CC2D2A: variants seen among roughly 807,000 people sequenced by gnomAD.
CC2D2A encodes the protein coiled-coil and C2 domain containing 2A.
In CC2D2A, 155 loss-of-function variants were observed where a neutral mutation model predicts 212.9. The observed-to-expected ratio is 0.73, with a 90% CI of 0.64 to 0.83. CC2D2A has a LOEUF of 0.83. CC2D2A is among the 40% of genes least tolerant of loss of function. CC2D2A has a pLI of 0.00. For missense variants in CC2D2A, 1,856 were observed against 1,956.2 expected (o/e 0.95, Z 0.97); for synonymous variants, 667 against 686.5 (o/e 0.97, Z 0.44).
intron 16 of CC2D2A, 120 bp from the exon 17 acceptor site, chr4:15,540,717 G>T: frequency 1.1e-6 from 1 of 884,508 alleles, no homozygotes. Context: ...AATGAGGGCT[G>T]ACATGATTGG....
chr4:15,483,089 G>A (rs963323448), intron 4 of CC2D2A, among the ~76,000 whole-genome samples: 9 of 152,228 alleles, frequency 5.9e-5, no homozygotes, highest in Non-Finnish European at 1.2e-4. Flanking sequence ...TGGAGCATAT[G>A]GTGGATAAGG....
chr4:15,542,656 G>C (rs1718518787), intron 17 of CC2D2A, among the ~76,000 whole-genome samples: 2 of 152,070 alleles, frequency 1.3e-5, no homozygotes, highest in African/African-American at 2.4e-5. Context: ...CTGATAAATA[G>C]CTGCTGCCCT....
Position 15,538,022 on chromosome 4 carries a change from A to G in CC2D2A, c.1888A>G (p.Ile630Val), listed in dbSNP as rs541499456. ...SPPEPTDRAV[I>V]EQEVRERAAQ... Reference sequence around the variant, plus strand: ...TCCAGAGCCCACTGATCGGGCAGTGATAGAGCAGGAGGTGAGGGAGAGAGC... The same window carrying G: ...TCCAGAGCCCACTGATCGGGCAGTGGTAGAGCAGGAGGTGAGGGAGAGAGC... Residue 630 changes from isoleucine to valine, a missense_variant, in exon 16 of 37, where the codon ATA becomes GTA. Ile to Val is a conservative substitution (Grantham distance 29, BLOSUM62 3). Transcript: ENST00000424120. The G allele has an allele frequency of 6.2e-7, 1 of 1,608,838 alleles. No individual in the cohort carries two copies. Among genetic ancestry groups the G allele is most frequent in the South Asian group, 1.1e-5 (1 of 89,622 alleles).
intron 18 of CC2D2A, among the ~76,000 whole-genome samples, chr4:15,552,749 G>A (rs918582180): frequency 6.6e-6 from 1 of 152,198 alleles, no homozygotes; most frequent in Non-Finnish European, 1.5e-5. Context: ...GCCTGCAATA[G>A]TGCCTGGCAT....
At chr4:15,542,784 T>C (rs1718526962) in intron 17 of CC2D2A, among the ~76,000 whole-genome samples, 1 of 152,176 alleles carries the variant, frequency 6.6e-6, no homozygotes, top group Non-Finnish European at 1.5e-5. Context: ...CAGGGTCCTG[T>C]TCCCAAGCTG....
intron 8 of CC2D2A, among the ~76,000 whole-genome samples, chr4:15,512,372 C>T (rs572679331): frequency 6.6e-6 from 1 of 152,114 alleles, no homozygotes; most frequent in Non-Finnish European, 1.5e-5. Flanking sequence ...TATACAACCG[C>T]AGAAAGCATG....
intron 13 of CC2D2A, among the ~76,000 whole-genome samples, chr4:15,530,963 T>G (rs1717818967): frequency 2.0e-5 from 3 of 152,322 alleles, no homozygotes; most frequent in African/African-American, 7.2e-5. Flanking sequence ...GAAGAAAACA[T>G]GAATGGTCAT....
rs1307653491 is a variant in CC2D2A, at chr4:15,601,131, A to G, written c.4675-106A>G. 11 of 820,548 alleles carry G rather than the reference A, an allele frequency of 1.3e-5. No individual in the cohort carries two copies. In the African/African-American group the frequency reaches 2.1e-4, roughly 16 times the overall value. 50.8% of individuals were successfully genotyped at this position (820,548 alleles called of 1,614,324 possible). ...AAGCTGAGTAGAAAAACACAAGCAA[A>G]TAACTGAGATCCAGAACACTTATCT... is the stretch of plus-strand genomic sequence containing the variant. On this transcript the variant is annotated intron_variant, in intron 36 of 36. Coordinates refer to ENST00000424120, the MANE Select transcript of CC2D2A (RefSeq NM_001378615.1).
chr4:15,485,466 C>T (rs1577316206), intron 4 of CC2D2A, among the ~76,000 whole-genome samples: 1 of 152,314 alleles, frequency 6.6e-6, no homozygotes, highest in African/African-American at 2.4e-5. Flanking sequence ...CTTTGATATA[C>T]TGCTTTCCTT....
intron 11 of CC2D2A, among the ~76,000 whole-genome samples, chr4:15,517,812 T>C (rs1022405804): frequency 1.3e-5 from 2 of 152,198 alleles, no homozygotes; most frequent in African/African-American, 4.8e-5. Flanking sequence ...CAGTTCTACA[T>C]GGCTGGGAAG....
Position 15,554,924 on chromosome 4 carries a change from G to A in CC2D2A, c.2487-148G>A, listed in dbSNP as rs928736656. The A allele has an allele frequency of 5.1e-6, 4 of 787,500 alleles. No individual in the cohort carries two copies. The Admixed American group carries it at 1.1e-4, about 22-fold the overall frequency. 48.8% of individuals were successfully genotyped at this position (787,500 alleles called of 1,614,324 possible). A position where few individuals can be genotyped will look rare whatever the true frequency, so the allele number is the denominator to read the frequency against. Reference sequence around the variant, plus strand: ...TGTTTAATAGCCATCATCATGTAAAGAAAAATGACAAAATCCTTCCTTATG... The same window carrying A: ...TGTTTAATAGCCATCATCATGTAAAAAAAAATGACAAAATCCTTCCTTATG... On this transcript the variant is annotated intron_variant, in intron 19 of 36. Transcript: ENST00000424120.
chr4:15,595,529 T>G (rs1427478034), intron 33 of CC2D2A, among the ~76,000 whole-genome samples: 1 of 152,240 alleles, frequency 6.6e-6, no homozygotes, highest in Non-Finnish European at 1.5e-5. Flanking sequence ...ATACTATTTA[T>G]TATCCCACTG....
chr4:15,498,101 T>C (rs1343250990), intron 4 of CC2D2A, among the ~76,000 whole-genome samples: 1 of 152,104 alleles, frequency 6.6e-6, no homozygotes, highest in Non-Finnish European at 1.5e-5. Flanking sequence ...GTATGGGTGA[T>C]AGGAAAGAGG....
chr4:15,529,624 G>A (rs1260735208), intron 13 of CC2D2A, among the ~76,000 whole-genome samples: 1 of 151,964 alleles, frequency 6.6e-6, no homozygotes, highest in East Asian at 1.9e-4. Context: ...TGCTTTAAAG[G>A]CTGGAATTAT....
intron 5 of CC2D2A, 146 bp downstream of exon 5, chr4:15,502,663 C>T: frequency 1.0e-6 from 1 of 999,968 alleles, no homozygotes; most frequent in South Asian, 1.6e-5. Flanking sequence ...TCTTATTTTG[C>T]ATTGGCACAG....
rs1560182443 is a variant in CC2D2A, at chr4:15,559,212, A to G, written c.2877A>G (p.Glu959=). ...ACAGAAATGTAATAGAAACCAAGGA[A>G]CACATAGACACCCATAGGGCCATAG... ...LRDRNVIETK[E]HIDTHRAIVA... Residue 959 remains glutamate, a synonymous_variant, in exon 22 of 37, where the codon GAA becomes GAG. Coordinates refer to ENST00000424120, the MANE Select transcript of CC2D2A (RefSeq NM_001378615.1). 2.6e-6 allele frequency: 4 copies of G among 1,553,724 alleles called. No individual in the cohort carries two copies. The highest frequency in any genetic ancestry group is 3.5e-6 in the Non-Finnish European group (4 of 1,148,490).
At chr4:15,534,650 T>A (rs1577355556) in intron 14 of CC2D2A, among the ~76,000 whole-genome samples, 1 of 152,272 alleles carries the variant, frequency 6.6e-6, no homozygotes, top group Middle Eastern at 3.4e-3. Context: ...CTGACACAAA[T>A]AGTAACAAAT....
Position 15,559,179 on chromosome 4 carries a change from G to A in CC2D2A, c.2844G>A (p.Arg948=), listed in dbSNP as rs182369056. The change falls in exon 22 of 37, where the codon CGG becomes CGA. Residue 948 remains arginine (R), a synonymous_variant. Transcript: ENST00000424120. ...TTTAATTTTAGGACTATGAGAAACG[G>A]TTACGAGACAGAAATGTAATAGAAA... ...MEKVFQDYEK[R]LRDRNVIETK... is the part of the protein sequence containing the mutation. The A allele has an allele frequency of 4.5e-4, 700 of 1,548,428 alleles. No homozygotes were observed. Among genetic ancestry groups the A allele is most frequent in the Non-Finnish European group, 5.8e-4 (664 of 1,145,702 alleles).
intron 34 of CC2D2A, among the ~76,000 whole-genome samples, 197 bp downstream of exon 34, chr4:15,596,404 CAT>C (rs1034289507): frequency 1.5e-4 from 22 of 148,774 alleles, no homozygotes; most frequent in Admixed American, 3.4e-4. Flanking sequence ...ATCTTACACA[CAT>C]GTGGAAGAAA....
Sources: gnomAD v4.1 joint callset for allele counts (sites outside exome capture counted in the v4.1 genomes callset) on GRCh38, gnomAD v4.1.1 for gene constraint, MANE v1.5 for transcripts, NCBI Gene and HGNC (gene_info 2026-07-23, HGNC 2026-07-21) for gene names.